CTNNAL1: variants seen among roughly 807,000 people sequenced by gnomAD.
CTNNAL1 encodes alpha-catulin.
A neutral mutation model predicts 93.6 loss-of-function variants in CTNNAL1; 69 were observed. That is an observed-to-expected ratio of 0.74 (90% CI 0.61 to 0.90). The LOEUF (loss-of-function observed/expected upper bound fraction) is 0.90, where lower values mean the gene tolerates loss of function less well. Among genes scored for constraint, CTNNAL1 ranks in the 40% least tolerant of loss-of-function variants. The pLI, the probability that CTNNAL1 is intolerant of heterozygous loss-of-function variation, is 0.00. For synonymous variants in CTNNAL1, 286 were observed against 305.4 expected, an observed-to-expected ratio of 0.94 and a Z score of 0.66; for missense variants, 836 against 862.0, an observed-to-expected ratio of 0.97 and a Z score of 0.38.
At chr9:108,981,932 A>G (rs1831445223) in intron 6 of CTNNAL1, among the ~76,000 whole-genome samples, 1 of 152,214 alleles carries the variant, frequency 6.6e-6, no homozygotes, top group Non-Finnish European at 1.5e-5. Context: ...TCTCAAAAAT[A>G]AATAAATAAA....
Position 108,943,727 on chromosome 9 carries a change from A to G in CTNNAL1, c.2031T>C (p.Ser677=), listed in dbSNP as rs1299373750. ...CCTTTAGAAATACTTTATTCTGCAA[A>G]GAAGTCTTAGTTACTGTCTGGAGCT... ...CHQLQTVTKT[S]LQNKVFLKVD... is the part of the protein sequence containing the mutation. The change falls in exon 17 of 19, where the codon TCT becomes TCC. Residue 677 remains serine (S), a synonymous_variant. Transcript: ENST00000325551. The G allele has an allele frequency of 6.2e-7, 1 of 1,612,842 alleles. No homozygotes were observed. The highest frequency in any genetic ancestry group is 8.5e-7 in the Non-Finnish European group (1 of 1,179,592).
In CTNNAL1 at chr9:108,999,224, G is replaced by A. The variant is rs140705220; in HGVS notation, c.174C>T (p.Thr58=). ...ITTLINHKDN[T]KKSDKTLQAI... is the part of the protein sequence containing the mutation. ...CTTGCAGAGTTTTATCAGACTTTTT[G>A]GTATTATCTTTATGATTAATAAGCG... The change falls in exon 2 of 19, where the codon ACC becomes ACT. Residue 58 remains threonine, a synonymous_variant. Coordinates refer to ENST00000325551, the MANE Select transcript of CTNNAL1 (RefSeq NM_003798.4). The A allele has an allele frequency of 6.8e-4, 1,083 of 1,603,746 alleles. No homozygotes were observed. Among genetic ancestry groups the A allele is most frequent in the Admixed American group, 1.1e-3 (64 of 57,932 alleles).
At position 108,979,452 on chromosome 9, in the gene CTNNAL1, A is replaced by T. The variant is rs201565007; in HGVS notation, c.930T>A (p.Leu310=). 22 of 1,614,106 alleles carry T rather than the reference A, an allele frequency of 1.4e-5. No homozygotes were observed. In the East Asian group the frequency reaches 4.7e-4, roughly 34 times the overall value. The change falls in exon 7 of 19, where the codon CTT becomes CTA. Residue 310 remains leucine (L), a synonymous_variant. Coordinates refer to ENST00000325551, the MANE Select transcript of CTNNAL1 (RefSeq NM_003798.4). ...KMNIEALREN[L]YFQSKENLSV... ...AAAGGTTCTCTTTGGACTGAAAATA[A>T]AGATTCTCCCGAAGAGCTTCAATAT... is the stretch of plus-strand genomic sequence containing the variant.
chr9:108,942,855 T>G (rs745705045), intron 18 of CTNNAL1, 21 bp from the exon 19 acceptor site: 31 of 1,613,106 alleles, frequency 1.9e-5, no homozygotes, highest in Non-Finnish European at 2.5e-5. Flanking sequence ...TTAAGACAAT[T>G]AGTATCTGGT....
chr9:108,991,527 G>A (rs1266266818), intron 3 of CTNNAL1, among the ~76,000 whole-genome samples: 3 of 150,990 alleles, frequency 2.0e-5, no homozygotes, highest in African/African-American at 7.3e-5. Context: ...TGTTTTAGTC[G>A]CAACAAGATA....
intron 7 of CTNNAL1, among the ~76,000 whole-genome samples, chr9:108,978,703 C>T (rs1831334085): frequency 6.6e-6 from 1 of 152,208 alleles, no homozygotes; most frequent in Non-Finnish European, 1.5e-5. Context: ...ACCAACAGCC[C>T]ATTTAAGGCT....
At chr9:109,011,614 T>G (rs1009111518) in intron 1 of CTNNAL1, among the ~76,000 whole-genome samples, 3 of 152,214 alleles carry the variant, frequency 2.0e-5, no homozygotes, top group Admixed American at 1.3e-4. Context: ...TCTCTAGATC[T>G]CATTACTGCT....
At chr9:108,991,934 G>T in intron 3 of CTNNAL1, 1 of 651,898 alleles carries the variant, frequency 1.5e-6, no homozygotes, top group South Asian at 1.7e-5. Context: ...TGGACTGGAA[G>T]AGTTTAAATC....
chr9:108,950,931 T>G (rs1830543670), intron 14 of CTNNAL1, among the ~76,000 whole-genome samples: 1 of 152,180 alleles, frequency 6.6e-6, no homozygotes, highest in South Asian at 2.1e-4. Context: ...AATATAAATG[T>G]TACCAGCTCC....
Position 108,955,836 on chromosome 9 carries a change from A to G in CTNNAL1, c.1592-9T>C. Reference sequence around the variant, plus strand: ...GTAGCCATACTTCTCTCCTACAAATAACACATATAACTTAAAAAATTTTTT... The same window carrying G: ...GTAGCCATACTTCTCTCCTACAAATGACACATATAACTTAAAAAATTTTTT... On this transcript the variant is annotated splice_polypyrimidine_tract_variant and intron_variant, in intron 11 of 18. Transcript: ENST00000325551. 1.9e-6 allele frequency: 3 copies of G among 1,566,720 alleles called. No individual in the cohort carries two copies. Among genetic ancestry groups the G allele is most frequent in the Non-Finnish European group, 2.6e-6 (3 of 1,158,340 alleles).
chr9:108,975,156 C>A (rs1047719302), intron 8 of CTNNAL1, among the ~76,000 whole-genome samples: 2 of 151,946 alleles, frequency 1.3e-5, no homozygotes, highest in African/African-American at 4.8e-5. Context: ...GAGTGAGACT[C>A]TATCTCAAAA....
At chr9:108,999,033 G>T in intron 2 of CTNNAL1, 34 bp downstream of exon 2, 1 of 1,564,002 alleles carries the variant, frequency 6.4e-7, no homozygotes, top group Non-Finnish European at 8.6e-7. Flanking sequence ...AATAAAAGTG[G>T]TATGAATAGT....
intron 14 of CTNNAL1, among the ~76,000 whole-genome samples, chr9:108,951,855 T>C (rs573171023): frequency 6.6e-5 from 10 of 152,330 alleles, no homozygotes; most frequent in African/African-American, 1.9e-4. Flanking sequence ...TTCATCTGTA[T>C]CTAGTCAATC....
At chr9:108,972,864 G>GGCCCCCCCC in intron 8 of CTNNAL1, 31 bp from the exon 9 acceptor site, 62 of 142,268 alleles carry the variant, frequency 4.4e-4, no homozygotes, top group Middle Eastern at 1.9e-3. Context: ...GGGGGGGTGG[G>GGCCCCCCCC]AGGGTGGAGA....
chr9:108,972,864 G>GGGGCCCCCCCCCCCCC, intron 8 of CTNNAL1, 31 bp from the exon 9 acceptor site: 10 of 142,496 alleles, frequency 7.0e-5, no homozygotes, highest in East Asian at 2.2e-4. Flanking sequence ...GGGGGGGTGG[G>GGGGCCCCCCCCCCCCC]AGGGTGGAGA....
At chr9:108,981,484 C>CAAAAAAAAAAAAAAAA (rs59271794) in intron 6 of CTNNAL1, among the ~76,000 whole-genome samples, 1 of 144,574 alleles carries the variant, frequency 6.9e-6, no homozygotes, top group Non-Finnish European at 1.5e-5. Flanking sequence ...AGACAAAAAA[C>CAAAAAAAAAAAAAAAA]AAAAAAAAAA....
intron 6 of CTNNAL1, among the ~76,000 whole-genome samples, chr9:108,979,715 C>A (rs1460335101): frequency 6.6e-6 from 1 of 152,196 alleles, no homozygotes; most frequent in African/African-American, 2.4e-5. Flanking sequence ...AATACAATGA[C>A]ATTGCTATGA....
intron 10 of CTNNAL1, 130 bp downstream of exon 10, chr9:108,970,272 C>T (rs1831073002): frequency 3.9e-6 from 3 of 778,918 alleles, no homozygotes; most frequent in Middle Eastern, 2.4e-4. Context: ...ACAGAAATTC[C>T]ATTATCTTTC....
chr9:108,965,580 A>T, intron 10 of CTNNAL1, 52 bp from the exon 11 acceptor site: 1 of 1,126,566 alleles, frequency 8.9e-7, no homozygotes, highest in African/African-American at 1.6e-5. Context: ...TAGCCCTCAG[A>T]ATCACTTTGA....
Sources: gnomAD v4.1 joint callset for allele counts (sites outside exome capture counted in the v4.1 genomes callset) on GRCh38, gnomAD v4.1.1 for gene constraint, MANE v1.5 for transcripts, NCBI Gene and HGNC (gene_info 2026-07-23, HGNC 2026-07-21) for gene names.